The following CADM2 variants were observed in gnomAD, a reference collection of about 807,000 sequenced individuals.
CADM2 encodes immunoglobulin superfamily member 4D.
CADM2 carries 12 observed loss-of-function variants against 49.8 expected under a neutral mutation model. The ratio of observed to expected loss-of-function variants is 0.24; its 90% confidence interval spans 0.15 to 0.39. CADM2 has a LOEUF of 0.39. Ranked by LOEUF, CADM2 falls within the 10% of genes least tolerant of loss-of-function variation. CADM2 has a pLI of 1.00. For synonymous variants in CADM2, 214 were observed against 175.4 expected (o/e 1.22, Z -1.74); for missense variants, 378 against 492.3 (o/e 0.77, Z 2.20).
intron 1 of CADM2, among the ~76,000 whole-genome samples, chr3:85,231,353 C>A (rs767086195): frequency 5.3e-5 from 8 of 151,868 alleles, no homozygotes; most frequent in Non-Finnish European, 1.0e-4. Flanking sequence ...TTTACATTTT[C>A]ATAGCTACTA....
At chr3:85,373,654 C>T (rs974405701) in intron 1 of CADM2, among the ~76,000 whole-genome samples, 5 of 152,180 alleles carry the variant, frequency 3.3e-5, no homozygotes, top group Non-Finnish European at 7.3e-5. Flanking sequence ...TGCAGCACAC[C>T]TCTGCCTGGA....
At chr3:85,920,095 T>A (rs1025848108) in intron 6 of CADM2, among the ~76,000 whole-genome samples, 6 of 152,022 alleles carry the variant, frequency 3.9e-5, no homozygotes, top group Middle Eastern at 3.4e-3. Context: ...ATGTTAGTTA[T>A]ATTCTCTTTG....
At chr3:85,822,516 G>A (rs180741944) in intron 3 of CADM2, among the ~76,000 whole-genome samples, 45 of 152,142 alleles carry the variant, frequency 3.0e-4, no homozygotes, top group Admixed American at 1.7e-3. Flanking sequence ...CCTGGGGGGC[G>A]AAGGTTGCAA....
At chr3:85,306,836 T>G (rs1475017828) in intron 1 of CADM2, among the ~76,000 whole-genome samples, 1 of 151,900 alleles carries the variant, frequency 6.6e-6, no homozygotes, top group African/African-American at 2.4e-5. Flanking sequence ...CCAATATATA[T>G]GGAATAAATT....
intron 1 of CADM2, among the ~76,000 whole-genome samples, chr3:85,702,536 T>A (rs1448086677): frequency 1.3e-5 from 2 of 152,194 alleles, no homozygotes; most frequent in Non-Finnish European, 2.9e-5. Flanking sequence ...TAGAAATGTT[T>A]TTGCTTTAGA....
chr3:84,970,805 A>G (rs2031378724), intron 1 of CADM2, among the ~76,000 whole-genome samples: 1 of 152,066 alleles, frequency 6.6e-6, no homozygotes. Context: ...GTTGCAGAAT[A>G]AACCTTCTCT....
At chr3:85,565,685 C>T (rs1247727245) in intron 1 of CADM2, among the ~76,000 whole-genome samples, 3 of 151,984 alleles carry the variant, frequency 2.0e-5, no homozygotes, top group African/African-American at 7.2e-5. Context: ...TTGAAGAAGA[C>T]AATCTTTCCA....
At chr3:85,672,796 G>A (rs2065780426) in intron 1 of CADM2, among the ~76,000 whole-genome samples, 1 of 152,102 alleles carries the variant, frequency 6.6e-6, no homozygotes, top group African/African-American at 2.4e-5. Context: ...AAAGAAGTGT[G>A]TAAGCAATCT....
chr3:85,996,587 C>A (rs1729449669), intron 8 of CADM2, among the ~76,000 whole-genome samples: 1 of 151,956 alleles, frequency 6.6e-6, no homozygotes, highest in South Asian at 2.1e-4. Flanking sequence ...TTTCTGGAAG[C>A]ACCTATAAAT....
intron 2 of CADM2, among the ~76,000 whole-genome samples, chr3:85,773,440 A>G (rs2070203386): frequency 6.6e-6 from 1 of 151,946 alleles, no homozygotes; most frequent in Admixed American, 6.6e-5. Context: ...AGTCCATTTA[A>G]CCCTGTCACA....
At chr3:84,987,438 A>G (rs1042696747) in intron 1 of CADM2, among the ~76,000 whole-genome samples, 1 of 152,116 alleles carries the variant, frequency 6.6e-6, no homozygotes, top group African/African-American at 2.4e-5. Flanking sequence ...ATTCTCTTCC[A>G]AAAATTTATC....
chr3:85,155,320 A>G (rs1427059432), intron 1 of CADM2, among the ~76,000 whole-genome samples: 2 of 149,978 alleles, frequency 1.3e-5, no homozygotes, highest in Admixed American at 6.6e-5. Context: ...CTTTAAACCA[A>G]CAAAGATCAA....
At chr3:85,493,410 T>A (rs909084490) in intron 1 of CADM2, among the ~76,000 whole-genome samples, 1 of 149,668 alleles carries the variant, frequency 6.7e-6, no homozygotes, top group African/African-American at 2.4e-5. Flanking sequence ...GAAATAAATA[T>A]CAACTTTCAT....
At chr3:85,232,549 T>C (rs1461208990) in intron 1 of CADM2, among the ~76,000 whole-genome samples, 4 of 151,938 alleles carry the variant, frequency 2.6e-5, no homozygotes, top group Non-Finnish European at 4.4e-5. Context: ...GTATGAAATA[T>C]AAAAAGAACA....
intron 1 of CADM2, among the ~76,000 whole-genome samples, chr3:85,539,042 C>G (rs1006039836): frequency 1.3e-4 from 20 of 151,752 alleles, no homozygotes; most frequent in African/African-American, 4.6e-4. Flanking sequence ...TACAGGGAAG[C>G]CTGAATTTCA....
At chr3:85,522,388 T>A (rs186785001) in intron 1 of CADM2, among the ~76,000 whole-genome samples, 181 of 152,310 alleles carry the variant, frequency 1.2e-3, no homozygotes, top group African/African-American at 4.1e-3. Context: ...GTAGAAATGC[T>A]TCATGCAGTT....
chr3:86,000,601 T>A (rs1441357463), intron 8 of CADM2, among the ~76,000 whole-genome samples: 1 of 151,604 alleles, frequency 6.6e-6, no homozygotes, highest in Non-Finnish European at 1.5e-5. Context: ...GATGTGAAGT[T>A]GGGGAGTGGA....
At chr3:86,002,049 G>A (rs1730250554) in intron 8 of CADM2, among the ~76,000 whole-genome samples, 1 of 152,006 alleles carries the variant, frequency 6.6e-6, no homozygotes, top group Admixed American at 6.6e-5. Flanking sequence ...ACCAAGGAGA[G>A]GATGAATATA....
intron 2 of CADM2, among the ~76,000 whole-genome samples, chr3:85,766,496 C>CTTGAAA (rs1406420702): frequency 6.6e-6 from 1 of 152,142 alleles, no homozygotes; most frequent in Non-Finnish European, 1.5e-5. Context: ...AAAACATAGC[C>CTTGAAA]ACTATGTGGT....
Sources: allele counts gnomAD v4.1 joint callset (sites outside exome capture counted in the v4.1 genomes callset), GRCh38; gene constraint gnomAD v4.1.1; transcripts MANE v1.5; gene names NCBI Gene and HGNC (gene_info 2026-07-23, HGNC 2026-07-21).